Variants in WIF1 observed in about 807,000 individuals in gnomAD.
The protein encoded by WIF1 is Wnt inhibitory factor 1.
Under a neutral mutation model 53.5 loss-of-function variants are expected in WIF1, and 35 were observed. That is an observed-to-expected ratio of 0.65 (90% CI 0.50 to 0.87). The LOEUF is 0.87. WIF1 is among the 40% of genes least tolerant of loss of function. WIF1 has a pLI of 0.00. For missense variants in WIF1, 467 were observed against 476.8 expected (o/e 0.98, Z 0.19); for synonymous variants, 171 against 170.4 (o/e 1.00, Z -0.03).
intron 9 of WIF1, among the ~76,000 whole-genome samples, chr12:65,052,054 G>A (rs1882449261): frequency 6.6e-6 from 1 of 152,156 alleles, no homozygotes; most frequent in African/African-American, 2.4e-5. Flanking sequence ...GCATCTATCT[G>A]TTTCCAGATG....
Position 65,051,226 on chromosome 12 carries a change from G to T in WIF1, c.*123C>A, listed in dbSNP as rs1882435111. ...AAATATCAGCTCAGTGATTTATAAT[G>T]AAGCTAATAAAATTCAGGCCAGTAT... On this transcript the variant is annotated 3_prime_UTR_variant, in exon 10 of 10. Transcript: ENST00000286574. 8.1e-7 allele frequency: 1 copy of T among 1,237,328 alleles called. No individual in the cohort carries two copies. Among genetic ancestry groups the T allele is most frequent in the Non-Finnish European group, 1.1e-6 (1 of 915,088 alleles). 76.6% of individuals were successfully genotyped at this position (1,237,328 alleles called of 1,614,324 possible).
intron 2 of WIF1, among the ~76,000 whole-genome samples, chr12:65,115,419 T>G (rs1355625408): frequency 6.6e-6 from 1 of 152,190 alleles, no homozygotes; most frequent in Non-Finnish European, 1.5e-5. Flanking sequence ...CGATTCTGAT[T>G]TGTCTAACAA....
chr12:65,097,283 C>T (rs972750148), intron 2 of WIF1, among the ~76,000 whole-genome samples: 9 of 151,966 alleles, frequency 5.9e-5, no homozygotes, highest in South Asian at 2.1e-4. Flanking sequence ...AGATGCAAGC[C>T]GTGCCATATT....
At position 65,095,843 on chromosome 12, in the gene WIF1, A is replaced by G. The variant is rs1222987680; in HGVS notation, c.289-17989T>C. On this transcript the variant is annotated intron_variant, in intron 2 of 9. Transcript: ENST00000286574. Reference sequence around the variant, plus strand: ...AGGATGACATGCAAATTCATGAAGCATTCCATATTTTTCAAAACTTAATTC... The same window carrying G: ...AGGATGACATGCAAATTCATGAAGCGTTCCATATTTTTCAAAACTTAATTC... 9 of 152,156 alleles carry G rather than the reference A, an allele frequency of 5.9e-5. No individual in the cohort carries two copies. In the East Asian group the frequency reaches 1.7e-3, roughly 29 times the overall value. 9.4% of individuals were successfully genotyped at this position (152,156 alleles called of 1,614,324 possible).
At chr12:65,052,619 CA>C (rs1882457628) in intron 9 of WIF1, among the ~76,000 whole-genome samples, 1 of 152,316 alleles carries the variant, frequency 6.6e-6, no homozygotes, top group African/African-American at 2.4e-5. Flanking sequence ...CCCCTTCTTT[CA>C]GCTCAATTAT....
In WIF1 at chr12:65,121,117, CCGCAGTGCCAGCAGG is replaced by C; in HGVS notation, c.60_74del (p.Cys20_Arg25delinsTrp). The stretch of plus-strand genomic sequence containing the variant: ...CCTCCTGCGGCGGCCCGGCCTCCGC[CCGCAGTGCCAGCAGG>C]CACAGGAGGATGCTCCAGAGCCAGA... On this transcript the variant is annotated inframe_deletion, in exon 1 of 10. Transcript: ENST00000286574. 1 of 1,547,764 alleles carries C rather than the reference CCGCAGTGCCAGCAGG, an allele frequency of 6.5e-7. No homozygotes were observed. The highest frequency in any genetic ancestry group is 8.7e-7 in the Non-Finnish European group (1 of 1,145,288).
chr12:65,102,606 C>T (rs1222692019), intron 2 of WIF1, among the ~76,000 whole-genome samples: 1 of 152,190 alleles, frequency 6.6e-6, no homozygotes, highest in South Asian at 2.1e-4. Flanking sequence ...ATTGTCTGGG[C>T]ACCCCAAGGC....
At chr12:65,052,755 C>T (rs541803682) in intron 9 of WIF1, among the ~76,000 whole-genome samples, 101 of 152,310 alleles carry the variant, frequency 6.6e-4, no homozygotes, top group African/African-American at 2.1e-3. Flanking sequence ...TGATGGCAGA[C>T]GCTTTCAGCA....
intron 2 of WIF1, among the ~76,000 whole-genome samples, chr12:65,098,223 T>C (rs1318885446): frequency 1.3e-5 from 2 of 152,212 alleles, no homozygotes; most frequent in African/African-American, 2.4e-5. Flanking sequence ...ATTATCTGAC[T>C]GTTAAACACT....
At position 65,077,857 on chromosome 12, in the gene WIF1, A is replaced by G. The variant is rs759829741; in HGVS notation, c.289-3T>C. ...AGGAATTCATAGAAGTATTCTGCCTACAACCAAAGGCACTGACAGTTAGTA... is the reference window on the plus strand; with the variant it reads ...AGGAATTCATAGAAGTATTCTGCCTGCAACCAAAGGCACTGACAGTTAGTA... On this transcript the variant is annotated splice_region_variant and splice_polypyrimidine_tract_variant and intron_variant, in intron 2 of 9. Transcript: ENST00000286574. 6.2e-7 allele frequency: 1 copy of G among 1,609,636 alleles called. No homozygotes were observed. Among genetic ancestry groups the G allele is most frequent in the Non-Finnish European group, 8.5e-7 (1 of 1,176,372 alleles).
At chr12:65,093,690 T>G (rs1325543314) in intron 2 of WIF1, among the ~76,000 whole-genome samples, 2 of 151,990 alleles carry the variant, frequency 1.3e-5, no homozygotes, top group Non-Finnish European at 2.9e-5. Flanking sequence ...ACAGACACAT[T>G]AAAGTTGAAT....
chr12:65,099,408 T>A (rs905300708), intron 2 of WIF1, among the ~76,000 whole-genome samples: 4 of 152,214 alleles, frequency 2.6e-5, no homozygotes, highest in African/African-American at 9.6e-5. Flanking sequence ...GTGATGCTCC[T>A]GCCTTTGAAG....
chr12:65,061,843 C>T (rs1380665031), intron 7 of WIF1, among the ~76,000 whole-genome samples: 1 of 152,196 alleles, frequency 6.6e-6, no homozygotes, highest in Non-Finnish European at 1.5e-5. Flanking sequence ...CTGTGATTCT[C>T]GTTTCTACTG....
intron 2 of WIF1, among the ~76,000 whole-genome samples, chr12:65,104,085 C>CTTTAA (rs970735847): frequency 6.6e-6 from 1 of 152,092 alleles, no homozygotes; most frequent in African/African-American, 2.4e-5. Flanking sequence ...AAATGAGTGC[C>CTTTAA]TTTAGCTCAC....
intron 2 of WIF1, among the ~76,000 whole-genome samples, chr12:65,080,719 G>A (rs1882935982): frequency 1.3e-5 from 2 of 152,152 alleles, no homozygotes; most frequent in South Asian, 4.1e-4. Flanking sequence ...AAACTTGGGT[G>A]TAATGCACAC....
intron 2 of WIF1, among the ~76,000 whole-genome samples, chr12:65,118,171 G>T (rs1287998709): frequency 6.6e-6 from 1 of 152,160 alleles, no homozygotes; most frequent in African/African-American, 2.4e-5. Flanking sequence ...TTGTTGAAAT[G>T]CCTAAATATT....
intron 3 of WIF1, among the ~76,000 whole-genome samples, chr12:65,074,664 A>C (rs1882830862): frequency 6.6e-6 from 1 of 151,756 alleles, no homozygotes; most frequent in Admixed American, 6.6e-5. Flanking sequence ...CTAAAAATAC[A>C]AAAATCAGCC....
intron 2 of WIF1, among the ~76,000 whole-genome samples, chr12:65,094,110 A>G (rs766196602): frequency 2.0e-5 from 3 of 152,208 alleles, no homozygotes; most frequent in Non-Finnish European, 2.9e-5. Context: ...TTAAAAGGCT[A>G]TGAAACTTTT....
At chr12:65,069,012 T>C in intron 3 of WIF1, 108 bp from the exon 4 acceptor site, 1 of 1,238,148 alleles carries the variant, frequency 8.1e-7, no homozygotes, top group Non-Finnish European at 1.1e-6. Context: ...AATGTTCACA[T>C]GTTGTGGATT....
Sources: gnomAD v4.1 joint callset for allele counts (sites outside exome capture counted in the v4.1 genomes callset) on GRCh38, gnomAD v4.1.1 for gene constraint, MANE v1.5 for transcripts, NCBI Gene and HGNC (gene_info 2026-07-23, HGNC 2026-07-21) for gene names.